The following PRDM5 variants were observed in gnomAD, a reference collection of about 807,000 sequenced individuals.
The protein encoded by PRDM5 is PR/SET domain 5.
PRDM5 carries 56 observed loss-of-function variants against 81.2 expected under a neutral mutation model. That is an observed-to-expected ratio of 0.69 (90% CI 0.56 to 0.86). The LOEUF (loss-of-function observed/expected upper bound fraction) is 0.86, where lower values mean the gene tolerates loss of function less well. Ranked by LOEUF, PRDM5 falls within the 40% of genes least tolerant of loss-of-function variation. The pLI, the probability that PRDM5 is intolerant of heterozygous loss-of-function variation, is 0.00. For missense variants in PRDM5, 697 were observed against 770.1 expected, an observed-to-expected ratio of 0.91 and a Z score of 1.12; for synonymous variants, 267 against 256.4, an observed-to-expected ratio of 1.04 and a Z score of -0.39.
At chr4:120,853,299 T>G in intron 3 of PRDM5, 119 bp downstream of exon 3, 72 of 1,451,180 alleles carry the variant, frequency 5.0e-5, no homozygotes, top group Non-Finnish European at 6.2e-5. Flanking sequence ...TCTGCTTTTA[T>G]GAGTTACTGT....
intron 2 of PRDM5, chr4:120,896,038 C>G (rs972075693): frequency 6.6e-6 from 1 of 152,040 alleles, no homozygotes; most frequent in Non-Finnish European, 1.5e-5. Flanking sequence ...CTACAAAAAA[C>G]AAATTATGGC....
intron 4 of PRDM5, among the ~76,000 whole-genome samples, chr4:120,820,679 G>A (rs893805031): frequency 6.6e-6 from 1 of 152,330 alleles, no homozygotes; most frequent in South Asian, 2.1e-4. Flanking sequence ...CCAAGAAGCT[G>A]CAGGTTCCCA....
chr4:120,724,164 A>G (rs843576), intron 14 of PRDM5, among the ~76,000 whole-genome samples: 35,778 of 152,066 alleles, frequency 0.24, 4,712 homozygotes, highest in Middle Eastern at 0.29. Context: ...TCTGACAGCA[A>G]TCAAGATAAT....
At chr4:120,781,971 T>A (rs1327741217) in intron 11 of PRDM5, among the ~76,000 whole-genome samples, 1 of 152,182 alleles carries the variant, frequency 6.6e-6, no homozygotes, top group Non-Finnish European at 1.5e-5. Context: ...CCACCCTGGG[T>A]ATTTCACTTT....
intron 10 of PRDM5, among the ~76,000 whole-genome samples, chr4:120,793,084 G>A (rs2149268873): frequency 6.6e-6 from 1 of 152,268 alleles, no homozygotes; most frequent in South Asian, 2.1e-4. Flanking sequence ...TTAGAAACCA[G>A]GCCACACAGC....
chr4:120,884,295 G>C (rs1199265936), intron 2 of PRDM5, among the ~76,000 whole-genome samples: 2 of 152,162 alleles, frequency 1.3e-5, no homozygotes, highest in African/African-American at 4.8e-5. Context: ...GATATGTAAT[G>C]AAAAATAAGC....
chr4:120,893,545 C>T (rs775369444), intron 2 of PRDM5, among the ~76,000 whole-genome samples: 4 of 152,214 alleles, frequency 2.6e-5, no homozygotes, highest in Admixed American at 6.5e-5. Flanking sequence ...ATGTGCGTTA[C>T]TTGACCAACT....
intron 3 of PRDM5, among the ~76,000 whole-genome samples, chr4:120,835,790 T>C (rs1008650201): frequency 4.0e-5 from 6 of 151,548 alleles, no homozygotes; most frequent in Admixed American, 1.3e-4. Context: ...ATTTAATAGC[T>C]GAGTAAAAGA....
intron 2 of PRDM5, among the ~76,000 whole-genome samples, chr4:120,860,520 C>A (rs1291226325): frequency 6.6e-6 from 1 of 152,014 alleles, no homozygotes; most frequent in African/African-American, 2.4e-5. Flanking sequence ...GTTTTACGAA[C>A]CTGTTCAGCT....
intron 15 of PRDM5, among the ~76,000 whole-genome samples, chr4:120,699,084 A>C (rs2148993536): frequency 1.3e-5 from 2 of 148,308 alleles, no homozygotes; most frequent in African/African-American, 4.9e-5. Flanking sequence ...TTTTCACTAG[A>C]CAAGATTTTA....
At chr4:120,776,511 A>C (rs907666501) in intron 13 of PRDM5, among the ~76,000 whole-genome samples, 1 of 151,866 alleles carries the variant, frequency 6.6e-6, no homozygotes, top group Non-Finnish European at 1.5e-5. Flanking sequence ...TAGGTACTGA[A>C]AAAAGTTTTC....
intron 8 of PRDM5, among the ~76,000 whole-genome samples, chr4:120,808,336 G>C (rs1482888139): frequency 6.6e-6 from 1 of 152,116 alleles, no homozygotes; most frequent in African/African-American, 2.4e-5. Flanking sequence ...TAGATACAGA[G>C]TGTGGACACA....
intron 3 of PRDM5, among the ~76,000 whole-genome samples, chr4:120,845,267 A>G (rs1006287402): frequency 6.6e-6 from 1 of 152,240 alleles, no homozygotes; most frequent in Non-Finnish European, 1.5e-5. Flanking sequence ...AAATAGTTCT[A>G]TTGGAAGAAG....
intron 3 of PRDM5, among the ~76,000 whole-genome samples, chr4:120,844,061 G>A (rs1049546166): frequency 1.9e-4 from 29 of 152,172 alleles, no homozygotes; most frequent in African/African-American, 6.0e-4. Flanking sequence ...GCCACTGTGG[G>A]GCAGGCTCAC....
chr4:120,803,789 C>A (rs528578079), intron 8 of PRDM5, among the ~76,000 whole-genome samples: 104 of 152,300 alleles, frequency 6.8e-4, no homozygotes, highest in African/African-American at 2.5e-3. Context: ...GAAGAAACTG[C>A]ATCAACTAAC....
intron 10 of PRDM5, among the ~76,000 whole-genome samples, chr4:120,785,593 G>C (rs543885118): frequency 3.8e-4 from 58 of 152,154 alleles, no homozygotes; most frequent in African/African-American, 1.2e-3. Context: ...AATTACACTA[G>C]AGCACTTATT....
At chr4:120,805,268 AG>A (rs1337172610) in intron 8 of PRDM5, among the ~76,000 whole-genome samples, 1 of 152,210 alleles carries the variant, frequency 6.6e-6, no homozygotes, top group African/African-American at 2.4e-5. Flanking sequence ...ATTCTACCAG[AG>A]GTACAAGGAG....
At chr4:120,719,235 G>A (rs779035546) in intron 14 of PRDM5, among the ~76,000 whole-genome samples, 1 of 152,266 alleles carries the variant, frequency 6.6e-6, no homozygotes. Flanking sequence ...ATTGCCAAAC[G>A]TCCCCTGGGG....
At chr4:120,769,575 T>G (rs1746932682) in intron 13 of PRDM5, among the ~76,000 whole-genome samples, 1 of 152,164 alleles carries the variant, frequency 6.6e-6, no homozygotes, top group African/African-American at 2.4e-5. Flanking sequence ...AGGTTTTAAG[T>G]AGGATAATAA....
Sources: allele counts gnomAD v4.1 joint callset (sites outside exome capture counted in the v4.1 genomes callset), GRCh38; gene constraint gnomAD v4.1.1; transcripts MANE v1.5; gene names NCBI Gene and HGNC (gene_info 2026-07-23, HGNC 2026-07-21).